Variants in GGCX observed in about 807,000 individuals in gnomAD.
GGCX encodes the protein gamma-glutamyl carboxylase, also known as vitamin K-dependent gamma-carboxylase.
Under a neutral mutation model 88.5 loss-of-function variants are expected in GGCX, and 63 were observed. The ratio of observed to expected loss-of-function variants is 0.71; its 90% CI spans 0.58 to 0.88. The LOEUF is 0.88. GGCX is among the 40% of genes least tolerant of loss of function. The pLI is 0.00. For missense variants in GGCX, 805 were observed against 932.9 expected (o/e 0.86, Z 1.79); for synonymous variants, 368 against 365.8 (o/e 1.01, Z -0.07).
At chr2:85,556,390 C>A in intron 4 of GGCX, 130 bp from the exon 5 acceptor site, 1 of 701,646 alleles carries the variant, frequency 1.4e-6, no homozygotes, top group Non-Finnish European at 2.6e-6. Flanking sequence ...TATTCTGAGA[C>A]CTTTTAGAAT....
chr2:85,557,629 G>A (rs573738165), intron 4 of GGCX, among the ~76,000 whole-genome samples: 16 of 152,164 alleles, frequency 1.1e-4, no homozygotes, highest in African/African-American at 2.4e-4. Context: ...CAAATAGGCC[G>A]GACACAGTGG....
At chr2:85,552,892 C>T (rs1002917599) in intron 9 of GGCX, 47 bp downstream of exon 9, 1 of 1,609,040 alleles carries the variant, frequency 6.2e-7, no homozygotes, top group African/African-American at 1.3e-5. Context: ...CCCCAAAGCA[C>T]AAGGGGGCTC....
chr2:85,556,184 G>T lies in GGCX; in HGVS notation c.616C>A (p.Gln206Lys). 6.2e-7 allele frequency: 1 copy of T among 1,600,886 alleles called. No individual in the cohort carries two copies. Among genetic ancestry groups the T allele is most frequent in the Non-Finnish European group, 8.6e-7 (1 of 1,167,882 alleles). ...PLWNYAVLRG[Q>K]IFIVYFIAGV... Reference sequence around the variant, plus strand: ...CCCTCTGTCCTAAAATGCTGTACCTGGCCACGGAGCACTGCATAGTTCCAA... The same window carrying T: ...CCCTCTGTCCTAAAATGCTGTACCTTGCCACGGAGCACTGCATAGTTCCAA... Residue 206 changes from glutamine (Q) to lysine (K), a missense_variant and splice_region_variant, in exon 5 of 15, where the codon CAG becomes AAG. Gln to Lys is a moderately conservative substitution (Grantham distance 53). Transcript: ENST00000233838.
intron 2 of GGCX, among the ~76,000 whole-genome samples, chr2:85,559,997 A>C (rs72923003): frequency 0.027 from 4,183 of 152,244 alleles, 201 homozygotes; most frequent in African/African-American, 0.096. Flanking sequence ...GCAGCCACCT[A>C]TTCTTCCTCC....
intron 4 of GGCX, among the ~76,000 whole-genome samples, chr2:85,558,004 G>GT (rs1692275561): frequency 6.6e-6 from 1 of 152,042 alleles, no homozygotes; most frequent in Non-Finnish European, 1.5e-5. Context: ...AGCAGCCCTG[G>GT]TGGGCCCTCT....
Position 85,550,637 on chromosome 2 carries a change from C to T in GGCX, c.2002G>A (p.Glu668Lys). The stretch of plus-strand genomic sequence containing the variant: ...GGAGTATTTCGCCGGCGTTCAATCT[C>T]CTGGAGCCTTTGTTGGCGTCTAAGA... ...TFLRRQQRLQEIERRRNTPFH... is the reference protein window; with the variant it reads ...TFLRRQQRLQKIERRRNTPFH... Residue 668 changes from glutamate (E) to lysine (K), a missense_variant, in exon 14 of 15, where the codon GAG becomes AAG. Physicochemically the swap from Glu to Lys is moderately conservative, Grantham distance 56. This residue lies in a region of GGCX where 680 missense variants were observed against 763.7 expected (regional missense o/e 0.89). Transcript: ENST00000233838. 1.2e-6 allele frequency: 2 copies of T among 1,614,044 alleles called. No homozygotes were observed.
At chr2:85,554,793 G>T in intron 6 of GGCX, 1 of 229,284 alleles carries the variant, frequency 4.4e-6, no homozygotes, top group Non-Finnish European at 8.8e-6. Context: ...CACACTTTAG[G>T]TGTTCAATGT....
At position 85,552,438 on chromosome 2, in the gene GGCX, T is replaced by C. The variant is rs905852831; in HGVS notation, c.1417A>G (p.Ile473Val). Reference protein sequence around the residue: ...PQIYFDIWVSINDRFQQRIFD... With the variant: ...PQIYFDIWVSVNDRFQQRIFD... ...CACCTCTGCTGGAAGCGGTCATTGA[T>C]GGAGACCCAAATATCAAAGTAGATC... The change falls in exon 10 of 15, where the codon ATC becomes GTC. Residue 473 changes from isoleucine (I) to valine (V), a missense_variant. Ile to Val is a conservative substitution (Grantham distance 29). Coordinates refer to ENST00000233838, the MANE Select transcript of GGCX (RefSeq NM_000821.7). The C allele has an allele frequency of 4.3e-6, 7 of 1,614,084 alleles. No homozygotes were observed. The highest frequency in any genetic ancestry group is 5.9e-6 in the Non-Finnish European group (7 of 1,179,912).
rs914295002 is a variant in GGCX, at chr2:85,551,561, G to T, written c.1659C>A (p.Ile553=). Residue 553 remains isoleucine (I), a synonymous_variant, in exon 12 of 15, where the codon ATC becomes ATA. Transcript: ENST00000233838. ...FVSEDLGNTS[I]QLLQGEVTVE... is the part of the protein sequence containing the mutation. ...CAGTCACTTCCCCCTGCAGCAGCTGGATGCTAGTGTTGCCCAGGTCTTCAC... is the reference window on the plus strand; with the variant it reads ...CAGTCACTTCCCCCTGCAGCAGCTGTATGCTAGTGTTGCCCAGGTCTTCAC... 9 of 1,613,690 alleles carry T rather than the reference G, an allele frequency of 5.6e-6. No individual in the cohort carries two copies. In the Admixed American group the frequency reaches 1.2e-4, roughly 21 times the overall value.
intron 6 of GGCX, 35 bp from the exon 7 acceptor site, chr2:85,554,341 C>T: frequency 6.3e-7 from 1 of 1,599,378 alleles, no homozygotes; most frequent in Non-Finnish European, 8.6e-7. Flanking sequence ...AGCACCAGCC[C>T]ACTGGAGAAC....
chr2:85,549,957 C>T lies in GGCX; in HGVS notation c.2254G>A (p.Asp752Asn). The change falls in exon 15 of 15, where the codon GAT becomes AAT. Residue 752 changes from aspartate to asparagine, a missense_variant. Transcript: ENST00000233838. Reference sequence around the variant, plus strand: ...CTTCAGAACTCTGAGTGGACAGGATCAGGATTTGACTCAGGAGGATTAGAA... The same window carrying T: ...CTTCAGAACTCTGAGTGGACAGGATTAGGATTTGACTCAGGAGGATTAGAA... ...SHSNPPESNPDPVHSEF is the reference protein window; with the variant it reads ...SHSNPPESNPNPVHSEF The T allele has an allele frequency of 6.2e-7, 1 of 1,613,434 alleles. No individual in the cohort carries two copies. Among genetic ancestry groups the T allele is most frequent in the Non-Finnish European group, 8.5e-7 (1 of 1,179,528 alleles).
rs201699978 is a variant in GGCX, at chr2:85,558,991, C to T, written c.299G>A (p.Arg100His). ...GCGTAGGGCATCCAGCAAGGGGAAG[C>T]GGCACACATCCAGCCCATCAAGGTA... Reference protein sequence around the residue: ...RKYLDGLDVCRFPLLDALRPL... With the variant: ...RKYLDGLDVCHFPLLDALRPL... The change falls in exon 3 of 15, where the codon CGC becomes CAC. Residue 100 changes from arginine (R) to histidine (H), a missense_variant. By Grantham distance (29) the Arg-to-His change is conservative (BLOSUM62 0). This residue lies in a region of GGCX where 61 missense variants were observed against 111.9 expected (regional missense o/e 0.54). Transcript: ENST00000233838. The T allele has an allele frequency of 1.2e-5, 19 of 1,613,388 alleles. No homozygotes were observed. The highest frequency in any genetic ancestry group is 2.7e-5 in the African/African-American group (2 of 75,014).
chr2:85,558,782 GAC>G, intron 3 of GGCX, 133 bp downstream of exon 3: 1 of 897,672 alleles, frequency 1.1e-6, no homozygotes, highest in Non-Finnish European at 1.8e-6. Flanking sequence ...CAGCTTAAGT[GAC>G]ACACAGGTCA....
rs776627692 is a variant in GGCX at position 85,560,889 on chromosome 2, C to A, written c.140G>T (p.Ser47Ile). 1.9e-6 allele frequency: 3 copies of A among 1,613,650 alleles called. No individual in the cohort carries two copies. The Middle Eastern group carries it at 4.9e-4, about 266-fold the overall frequency. The change falls in exon 2 of 15, where the codon AGT becomes ATT. Residue 47 changes from serine (S) to isoleucine (I), a missense_variant. Ser to Ile is a moderately radical substitution (Grantham distance 142). Coordinates refer to ENST00000233838, the MANE Select transcript of GGCX (RefSeq NM_000821.7). ...LLGFEWTDLS[S>I]WRRLVTLLNR... The stretch of plus-strand genomic sequence containing the variant: ...CAGCAGGGTCACCAGCCTCCGCCAA[C>A]TGGACAAATCTGTCCACTCAAAACC...
In GGCX at chr2:85,552,407, C is replaced by G. The variant is rs747457073; in HGVS notation, c.1439+9G>C. Reference sequence around the variant, plus strand: ...TCATTTTTTCCCACTCTCTGCTCCCCTTGCCCACCTCTGCTGGAAGCGGTC... The same window carrying G: ...TCATTTTTTCCCACTCTCTGCTCCCGTTGCCCACCTCTGCTGGAAGCGGTC... On this transcript the variant is annotated intron_variant, in intron 10 of 14. Coordinates refer to ENST00000233838, the MANE Select transcript of GGCX (RefSeq NM_000821.7). The G allele has an allele frequency of 1.2e-5, 20 of 1,613,244 alleles. No individual in the cohort carries two copies. Among genetic ancestry groups the G allele is most frequent in the Non-Finnish European group, 1.7e-5 (20 of 1,179,164 alleles).
chr2:85,552,694 C>T, intron 9 of GGCX, 127 bp from the exon 10 acceptor site: 1 of 1,074,460 alleles, frequency 9.3e-7, no homozygotes, highest in Non-Finnish European at 1.4e-6. Flanking sequence ...TGGAACTTGC[C>T]TTTGGGAATG....
intron 1 of GGCX, 117 bp from the exon 2 acceptor site, chr2:85,561,102 G>T (rs980578748): frequency 2.3e-6 from 2 of 879,338 alleles, no homozygotes; most frequent in Non-Finnish European, 3.8e-6. Flanking sequence ...CAATGAGGTT[G>T]CCTCAATGAT....
Position 85,553,082 on chromosome 2 carries a change from G to A in GGCX, c.1156-12C>T. ...CAGTTGTTATAGCCCTGGGAAGGCA[G>A]CACAGAGGGGAATCAGCTCAATGCT... On this transcript the variant is annotated splice_polypyrimidine_tract_variant and intron_variant, in intron 8 of 14. Transcript: ENST00000233838. 1 of 1,614,174 alleles carries A rather than the reference G, an allele frequency of 6.2e-7. No homozygotes were observed. Among genetic ancestry groups the A allele is most frequent in the South Asian group, 1.1e-5 (1 of 91,084 alleles).
chr2:85,558,429 C>G lies in GGCX; in HGVS notation c.539+11G>C, dbSNP rs767868055. The stretch of plus-strand genomic sequence containing the variant: ...AGCCAACCCCTCCCCTTTGTCCCCC[C>G]TGACTCATACCAGTAGTGGTTTGCA... On this transcript the variant is annotated intron_variant, in intron 4 of 14. Coordinates refer to ENST00000233838, the MANE Select transcript of GGCX (RefSeq NM_000821.7). The G allele has an allele frequency of 6.2e-7, 1 of 1,612,138 alleles. No homozygotes were observed. The highest frequency in any genetic ancestry group is 1.7e-5 in the Admixed American group (1 of 60,016).
Sources: gnomAD v4.1 joint callset for allele counts (sites outside exome capture counted in the v4.1 genomes callset) on GRCh38, gnomAD v4.1.1 for gene constraint, gnomAD v4.1.1 regional missense constraint, MANE v1.5 for transcripts, NCBI Gene and HGNC (gene_info 2026-07-23, HGNC 2026-07-21) for gene names.